The following PLPP2 variants were observed in gnomAD, a reference collection of about 807,000 sequenced individuals.
PLPP2 encodes PAP2-gamma.
A neutral mutation model predicts 35.2 loss-of-function variants in PLPP2; 29 were observed. The observed-to-expected ratio is 0.82, with a 90% CI of 0.61 to 1.12. The LOEUF (loss-of-function observed/expected upper bound fraction) is 1.12, where lower values mean the gene tolerates loss of function less well. Ranked by LOEUF, PLPP2 falls within the 50% of genes most tolerant of loss-of-function variation. PLPP2 has a pLI of 0.00. For synonymous variants in PLPP2, 162 were observed against 167.0 expected (o/e 0.97, Z 0.23); for missense variants, 353 against 375.2 (o/e 0.94, Z 0.49).
intron 5 of PLPP2, 43 bp from the exon 6 acceptor site, chr19:281,580 A>G: frequency 7.0e-7 from 1 of 1,422,914 alleles, no homozygotes; most frequent in Non-Finnish European, 9.3e-7. Context: ...GGGGCTGTCC[A>G]GGTACCAGGG....
At chr19:289,077 T>C (rs1392792407) in intron 1 of PLPP2, among the ~76,000 whole-genome samples, 4 of 152,054 alleles carry the variant, frequency 2.6e-5, no homozygotes, top group African/African-American at 4.8e-5. Context: ...TTATGGAAGG[T>C]GCTGCCATGG....
chr19:284,772 G>A (rs1970240879), intron 3 of PLPP2: 2 of 152,180 alleles, frequency 1.3e-5, no homozygotes, highest in South Asian at 4.1e-4. Context: ...ACTTGAGGGA[G>A]GCTCAATAGC....
chr19:285,913 A>G (rs1397824911), intron 3 of PLPP2: 1 of 151,954 alleles, frequency 6.6e-6, no homozygotes, highest in Non-Finnish European at 1.5e-5. Context: ...GCAGTGAGCC[A>G]AGATCACACC....
intron 1 of PLPP2, chr19:290,980 GC>G: frequency 8.2e-7 from 1 of 1,216,588 alleles, no homozygotes; most frequent in African/African-American, 1.6e-5. Context: ...CGGGATGGAG[GC>G]GCGCGCGCGG....
At chr19:282,864 G>A in intron 3 of PLPP2, 55 bp from the exon 4 acceptor site, 1 of 1,536,458 alleles carries the variant, frequency 6.5e-7, no homozygotes, top group East Asian at 2.3e-5. Flanking sequence ...CCTCCCCCTT[G>A]TCCCCGCCCC....
At chr19:282,046 G>A in intron 5 of PLPP2, 88 bp downstream of exon 5, 2 of 1,457,932 alleles carry the variant, frequency 1.4e-6, no homozygotes, top group South Asian at 1.2e-5. Context: ...AGGACTCAGT[G>A]GGGCAAGGGT....
Position 288,055 on chromosome 19 carries a change from T to C in PLPP2, c.169A>G (p.Met57Val), listed in dbSNP as rs1970305413. Residue 57 changes from methionine (M) to valine (V), a missense_variant, in exon 2 of 6, where the codon ATG becomes GTG. Met to Val is a conservative substitution (Grantham distance 21). Transcript: ENST00000434325. ...YRPDTITHGL[M>V]AGVTITATVI... Reference sequence around the variant, plus strand: ...GTGGCCGTGATGGTGACCCCAGCCATGAGCCCGTGGGTGATGGTATCTGGA... The same window carrying C: ...GTGGCCGTGATGGTGACCCCAGCCACGAGCCCGTGGGTGATGGTATCTGGA... 4.3e-6 allele frequency: 7 copies of C among 1,612,638 alleles called. No individual in the cohort carries two copies. The highest frequency in any genetic ancestry group is 3.3e-5 in the South Asian group (3 of 91,034).
intron 4 of PLPP2, 74 bp downstream of exon 4, chr19:282,678 A>G: frequency 6.7e-7 from 1 of 1,486,642 alleles, no homozygotes; most frequent in East Asian, 2.3e-5. Flanking sequence ...ACAGCTGGAA[A>G]AACTGAGGTC....
Position 288,131 on chromosome 19 carries a change from C to T in PLPP2, c.93G>A (p.Pro31=), listed in dbSNP as rs139859911. ...CCCCGCAGTAAAATCCTCGCTTGTA[C>T]GGGGCGTTCACCAGCGTCAGGATAG... ...PFAILTLVNA[P]YKRGFYCGDD... Residue 31 remains proline, a synonymous_variant, in exon 2 of 6, where the codon CCG becomes CCA. Transcript: ENST00000434325. 2.7e-5 allele frequency: 43 copies of T among 1,608,642 alleles called. No homozygotes were observed. Among genetic ancestry groups the T allele is most frequent in the Non-Finnish European group, 3.4e-5 (40 of 1,176,466 alleles).
chr19:291,121 G>A, intron 1 of PLPP2, 164 bp downstream of exon 1: 1 of 1,375,182 alleles, frequency 7.3e-7, no homozygotes, highest in Non-Finnish European at 9.4e-7. Context: ...CGCGCAGTGC[G>A]GGGCGCGGAG....
chr19:282,999 G>T, intron 3 of PLPP2, 190 bp from the exon 4 acceptor site: 1 of 602,046 alleles, frequency 1.7e-6, no homozygotes, highest in Non-Finnish European at 2.9e-6. Flanking sequence ...CTCTGACTGG[G>T]GCTGTGGCAT....
At chr19:289,166 C>T (rs1332880116) in intron 1 of PLPP2, among the ~76,000 whole-genome samples, 1 of 152,160 alleles carries the variant, frequency 6.6e-6, no homozygotes, top group African/African-American at 2.4e-5. Flanking sequence ...GGGCAGAGGG[C>T]AGGCGCACAA....
chr19:288,088 G>GGTACC lies in PLPP2; in HGVS notation c.131_135dup (p.Pro46GlyfsTer65), dbSNP rs1365867129. The GGTACC allele has an allele frequency of 1.2e-6, 2 of 1,613,642 alleles. No homozygotes were observed. The highest frequency in any genetic ancestry group is 8.5e-7 in the Non-Finnish European group (1 of 1,179,870). ...TGGGTGATGGTATCTGGACGGTAGG[G>GGTACC]GTACCGGATGGAGTCATCCCCGCAG... On this transcript the variant is annotated frameshift_variant, in exon 2 of 6. Transcript: ENST00000434325. LOFTEE classifies it high-confidence loss of function.
chr19:282,231 G>A lies in PLPP2; in HGVS notation c.620C>T (p.Ala207Val). ...CACGCGGGTGTAGCCCACGTAGAGG[G>A]CAAAGGCCACCAGGAAGAACTGGAC... Reference protein sequence around the residue: ...PTVQFFLVAFALYVGYTRVSD... With the variant: ...PTVQFFLVAFVLYVGYTRVSD... Residue 207 changes from alanine (A) to valine (V), a missense_variant, in exon 5 of 6, where the codon GCC (alanine) becomes GTC (valine). Ala to Val is a moderately conservative substitution (Grantham distance 64). Transcript: ENST00000434325. 1 of 1,613,890 alleles carries A rather than the reference G, an allele frequency of 6.2e-7. No homozygotes were observed. The highest frequency in any genetic ancestry group is 1.3e-5 in the African/African-American group (1 of 74,970).
chr19:287,335 C>T lies in PLPP2; in HGVS notation c.482+139G>A, dbSNP rs1210492178. 2 of 1,085,078 alleles carry T rather than the reference C, an allele frequency of 1.8e-6. No homozygotes were observed. The highest frequency in any genetic ancestry group is 1.3e-6 in the Non-Finnish European group (1 of 758,706). 67.2% of individuals were successfully genotyped at this position (1,085,078 alleles called of 1,614,324 possible). A position where few individuals can be genotyped will look rare whatever the true frequency, so the allele number is the denominator to read the frequency against. On this transcript the variant is annotated intron_variant, in intron 3 of 5. Transcript: ENST00000434325. The surrounding 1 kb of genome is among the most constrained non-coding windows in gnomAD (Gnocchi z 4.3). ...AACTTCAAAAACATACAAGAATGCA[C>T]TAACTTATACAAAAATTAGCCGGGC...
intron 1 of PLPP2, chr19:291,080 G>A: frequency 7.5e-7 from 1 of 1,333,654 alleles, no homozygotes; most frequent in Non-Finnish European, 9.6e-7. Context: ...CCTGGGCCTG[G>A]GACGCGGGGA....
At position 287,544 on chromosome 19, in the gene PLPP2, C is replaced by T. The variant is rs1234088918; in HGVS notation, c.412G>A (p.Val138Ile). The T allele has an allele frequency of 6.2e-7, 1 of 1,613,778 alleles. No homozygotes were observed. Among genetic ancestry groups the T allele is most frequent in the East Asian group, 2.2e-5 (1 of 44,880 alleles). Reference sequence around the variant, plus strand: ...AGCTGCACATAGACCGAGCAGTTGACCCGGCTCCAGTCGGGGTCGCAGACG... The same window carrying T: ...AGCTGCACATAGACCGAGCAGTTGATCCGGCTCCAGTCGGGGTCGCAGACG... ...LAVCDPDWSR[V>I]NCSVYVQLEK... The change falls in exon 3 of 6, where the codon GTC (valine) becomes ATC (isoleucine). Residue 138 changes from valine to isoleucine, a missense_variant. By Grantham distance (29) the Val-to-Ile change is conservative. Coordinates refer to ENST00000434325, the MANE Select transcript of PLPP2 (RefSeq NM_003712.4). The surrounding 1 kb of genome is among the most constrained non-coding windows in gnomAD (Gnocchi z 4.3).
Position 282,205 on chromosome 19 carries a change from A to G in PLPP2, c.646T>C (p.Ser216Pro). ...FALYVGYTRV[S>P]DYKHHWSDVL... ...TCGCTCCAGTGGTGTTTGTAATCAG[A>G]CACGCGGGTGTAGCCCACGTAGAGG... The change falls in exon 5 of 6, where the codon TCT (serine) becomes CCT (proline). Residue 216 changes from serine to proline, a missense_variant. Transcript: ENST00000434325. The G allele has an allele frequency of 1.2e-6, 2 of 1,613,890 alleles. No homozygotes were observed. Among genetic ancestry groups the G allele is most frequent in the South Asian group, 2.2e-5 (2 of 91,088 alleles).
chr19:283,063 C>T, intron 3 of PLPP2: 1 of 464,218 alleles, frequency 2.2e-6, no homozygotes. Flanking sequence ...CCAGGGCAGA[C>T]AATCATGTCT....
Sources: allele counts gnomAD v4.1 joint callset (sites outside exome capture counted in the v4.1 genomes callset), GRCh38; gene constraint gnomAD v4.1.1; non-coding constraint Gnocchi (gnomAD v3.1); transcripts MANE v1.5; gene names NCBI Gene and HGNC (gene_info 2026-07-23, HGNC 2026-07-21).